RPA3: variants seen among roughly 807,000 people sequenced by gnomAD.
RPA3 encodes the protein replication protein A 14 kDa subunit.
A neutral mutation model predicts 13.7 loss-of-function variants in RPA3; 24 were observed. That is an observed-to-expected ratio of 1.75 (90% CI 1.27 to 2.46). The LOEUF (loss-of-function observed/expected upper bound fraction) is 2.46, where lower values mean the gene tolerates loss of function less well. Among genes scored for constraint, RPA3 ranks in the 30% most tolerant of loss-of-function variants. RPA3 has a pLI of 0.00. For missense variants in RPA3, 183 were observed against 151.0 expected, an observed-to-expected ratio of 1.21 and a Z score of -1.11; for synonymous variants, 59 against 51.2, an observed-to-expected ratio of 1.15 and a Z score of -0.65.
Position 7,710,341 on chromosome 7 carries a change from C to G in RPA3, c.-1028+4834G>C, listed in dbSNP as rs560593263. The stretch of plus-strand genomic sequence containing the variant: ...AAAGGACTAGTCCCTAGAATAAGTA[C>G]TTGCAAAACTCAGCAGTAAAAAACA... On this transcript the variant is annotated intron_variant, in intron 2 of 7. Transcript: ENST00000223129. 6.6e-5 allele frequency among the ~76,000 whole-genome samples: 10 copies of G among 152,108 alleles called. 1 individual carries two copies. Among genetic ancestry groups the G allele is most frequent in the African/African-American group, 2.4e-4 (10 of 41,486 alleles).
chr7:7,639,279 T>A (rs1338305879), intron 5 of RPA3, 135 bp from the exon 6 acceptor site: 1 of 587,492 alleles, frequency 1.7e-6, no homozygotes, highest in Non-Finnish European at 3.0e-6. Flanking sequence ...ATTCAACTTA[T>A]TGGATCAAAT....
chr7:7,677,664 GTTTT>G (rs141602455), intron 4 of RPA3, among the ~76,000 whole-genome samples: 4 of 113,496 alleles, frequency 3.5e-5, no homozygotes, highest in Non-Finnish European at 5.2e-5. Context: ...CTGTTTTTTT[GTTTT>G]TTTTTTTTTT....
At chr7:7,662,247 C>A (rs1327769501) in intron 4 of RPA3, among the ~76,000 whole-genome samples, 4 of 152,140 alleles carry the variant, frequency 2.6e-5, no homozygotes, top group Non-Finnish European at 1.5e-5. Context: ...TTGCTGAGCT[C>A]CATGGGGTTG....
At chr7:7,711,394 G>GTA (rs994293328) in intron 2 of RPA3, among the ~76,000 whole-genome samples, 39 of 152,144 alleles carry the variant, frequency 2.6e-4, no homozygotes, top group Non-Finnish European at 2.4e-4. Context: ...GTTAACTTTA[G>GTA]TAAATCATGG....
At chr7:7,697,644 T>C (rs927727872) in intron 2 of RPA3, among the ~76,000 whole-genome samples, 6 of 152,200 alleles carry the variant, frequency 3.9e-5, no homozygotes, top group African/African-American at 1.4e-4. Flanking sequence ...TAAGCTGATA[T>C]TATCACATTC....
chr7:7,695,432 T>C (rs976163786), intron 2 of RPA3, among the ~76,000 whole-genome samples: 2 of 151,586 alleles, frequency 1.3e-5, no homozygotes, highest in African/African-American at 4.8e-5. Flanking sequence ...CTAGACATAA[T>C]ACGTTGATTT....
intron 4 of RPA3, among the ~76,000 whole-genome samples, chr7:7,649,854 A>G (rs1324751588): frequency 1.3e-5 from 2 of 152,160 alleles, no homozygotes; most frequent in Non-Finnish European, 2.9e-5. Context: ...TGCCCTTATA[A>G]AAGAGTCAGA....
At chr7:7,697,097 A>G (rs1006644636) in intron 2 of RPA3, among the ~76,000 whole-genome samples, 1 of 152,178 alleles carries the variant, frequency 6.6e-6, no homozygotes, top group African/African-American at 2.4e-5. Flanking sequence ...CAGTCAGGAT[A>G]AGTCAGATTG....
At chr7:7,671,363 A>T (rs543578417) in intron 4 of RPA3, among the ~76,000 whole-genome samples, 1 of 152,134 alleles carries the variant, frequency 6.6e-6, no homozygotes, top group Non-Finnish European at 1.5e-5. Context: ...CCACACCCTT[A>T]GTCTCTTTTT....
intron 2 of RPA3, among the ~76,000 whole-genome samples, chr7:7,690,157 C>T (rs1212701994): frequency 6.6e-6 from 1 of 152,142 alleles, no homozygotes; most frequent in African/African-American, 2.4e-5. Context: ...GTTATTAAGT[C>T]AGCAATTCTG....
intron 4 of RPA3, among the ~76,000 whole-genome samples, chr7:7,680,524 T>C (rs1482434972): frequency 6.6e-6 from 1 of 152,270 alleles, no homozygotes; most frequent in East Asian, 1.9e-4. Flanking sequence ...CTTCTCTGGG[T>C]CTTTTGTGAT....
In RPA3 at chr7:7,637,863, C is replaced by T. The variant is rs1156809679; in HGVS notation, c.283+1G>A. The T allele has an allele frequency of 1.2e-6, 2 of 1,608,866 alleles. No individual in the cohort carries two copies. The highest frequency in any genetic ancestry group is 1.1e-5 in the South Asian group (1 of 90,694). On this transcript the variant is annotated splice_donor_variant, in intron 7 of 7. Coordinates refer to ENST00000223129, the MANE Select transcript of RPA3 (RefSeq NM_002947.5). LOFTEE classifies it high-confidence loss of function. ...AGTCAATACTAGAATGCTTTATTTA[C>T]CAAAAGGATGGCTATCTTCTTTAAA...
chr7:7,640,329 C>A lies in RPA3; in HGVS notation c.90G>T (p.Arg30Ser). 1 of 1,614,044 alleles carries A rather than the reference C, an allele frequency of 6.2e-7. No homozygotes were observed. The highest frequency in any genetic ancestry group is 8.5e-7 in the Non-Finnish European group (1 of 1,179,960). The change falls in exon 5 of 8, where the codon AGG becomes AGT. Residue 30 changes from arginine (R) to serine (S), a missense_variant. Physicochemically the swap from Arg to Ser is moderately radical, Grantham distance 110. Transcript: ENST00000223129. ...FIDKPVCFVG[R>S]LEKIHPTGKM... ...TTGCGAACCCGCACACCTTTTCCAG[C>A]CTCCCTACGAAGCAGACAGGCTTGT...
At chr7:7,710,674 G>C (rs918924499) in intron 2 of RPA3, among the ~76,000 whole-genome samples, 2 of 152,140 alleles carry the variant, frequency 1.3e-5, no homozygotes, top group African/African-American at 4.8e-5. Flanking sequence ...GTTACTATAC[G>C]ACTCAGCAAT....
In RPA3 at chr7:7,682,877, A is replaced by G. The variant is rs542512007; in HGVS notation, c.-758+2953T>C. ...TCATGATGTAGATGCTTGTTTTTCT[A>G]TTAAGAAATGTGGAGTTGTGTGTCT... is the stretch of plus-strand genomic sequence containing the variant. On this transcript the variant is annotated intron_variant, in intron 4 of 7. Transcript: ENST00000223129. Among the ~76,000 whole-genome samples the G allele has an allele frequency of 5.9e-5, 9 of 152,316 alleles. No individual in the cohort carries two copies. In the East Asian group the frequency reaches 9.6e-4, roughly 16 times the overall value.
chr7:7,677,672 T>G (rs13247645), intron 4 of RPA3, among the ~76,000 whole-genome samples: 4,784 of 100,578 alleles, frequency 0.048, 125 homozygotes, highest in South Asian at 0.13. Flanking sequence ...TTGTTTTTTT[T>G]TTTTTTTTTT....
At chr7:7,716,733 C>G (rs1228197243) in intron 1 of RPA3, among the ~76,000 whole-genome samples, 1 of 152,196 alleles carries the variant, frequency 6.6e-6, no homozygotes, top group Non-Finnish European at 1.5e-5. Flanking sequence ...ATCACGAGGT[C>G]AGGAGATCGA....
chr7:7,676,627 T>G (rs538276858), intron 4 of RPA3, among the ~76,000 whole-genome samples: 1 of 152,332 alleles, frequency 6.6e-6, no homozygotes, highest in South Asian at 2.1e-4. Context: ...GGTTGGTGGT[T>G]GTAATACTGT....
chr7:7,704,694 G>T (rs6946042), intron 2 of RPA3, among the ~76,000 whole-genome samples: 4 of 149,676 alleles, frequency 2.7e-5, no homozygotes, highest in East Asian at 2.0e-4. Flanking sequence ...TTGAACCCAG[G>T]GGGTGGAGGT....
Sources: gnomAD v4.1 joint callset for allele counts (sites outside exome capture counted in the v4.1 genomes callset) on GRCh38, gnomAD v4.1.1 for gene constraint, MANE v1.5 for transcripts, NCBI Gene and HGNC (gene_info 2026-07-23, HGNC 2026-07-21) for gene names.